UPF1: variants seen among roughly 807,000 people sequenced by gnomAD.
The protein encoded by UPF1 is UPF1 RNA helicase and ATPase, also known as regulator of nonsense transcripts 1.
A neutral mutation model predicts 129.2 loss-of-function variants in UPF1; 9 were observed. The observed-to-expected ratio is 0.07, with a 90% CI of 0.04 to 0.12. The LOEUF (loss-of-function observed/expected upper bound fraction) is 0.12, where lower values mean the gene tolerates loss of function less well. Ranked by LOEUF, UPF1 falls within the 10% of genes least tolerant of loss-of-function variation. The pLI is 1.00. For synonymous variants in UPF1, 649 were observed against 644.9 expected (o/e 1.01, Z -0.10); for missense variants, 788 against 1,525.3 (o/e 0.52, Z 8.05).
intron 13 of UPF1, 148 bp from the exon 14 acceptor site, chr19:18,856,729 T>C (rs2055722523): frequency 8.4e-7 from 1 of 1,189,086 alleles, no homozygotes; most frequent in East Asian, 2.6e-5. Context: ...GCCTGGACCA[T>C]GTATCTTGTC....
intron 1 of UPF1, among the ~76,000 whole-genome samples, chr19:18,834,528 T>A (rs2055463196): frequency 6.6e-6 from 1 of 152,148 alleles, no homozygotes; most frequent in African/African-American, 2.4e-5. Flanking sequence ...AGGTAAACAT[T>A]GCAGTTGAGC....
rs2055770336 is a variant in UPF1 at position 18,860,810 on chromosome 19, A to G, written c.2301-16A>G. 6.2e-7 allele frequency: 1 copy of G among 1,611,950 alleles called. No individual in the cohort carries two copies. The highest frequency in any genetic ancestry group is 1.3e-5 in the African/African-American group (1 of 75,042). On this transcript the variant is annotated splice_polypyrimidine_tract_variant and intron_variant, in intron 16 of 23. Coordinates refer to ENST00000262803, the MANE Select transcript of UPF1 (RefSeq NM_002911.4). ...CCCACAGGTGGAGCCCAGCACTGAC[A>G]GCCTGGGTTTCTTAGGACCGAGGCT...
intron 1 of UPF1, among the ~76,000 whole-genome samples, chr19:18,834,808 G>C (rs947859965): frequency 5.3e-5 from 8 of 152,206 alleles, no homozygotes; most frequent in African/African-American, 1.9e-4. Flanking sequence ...GTCCTCAGGA[G>C]TTGGCCGTGT....
At chr19:18,852,574 C>T (rs1263711382) in intron 6 of UPF1, among the ~76,000 whole-genome samples, 3 of 152,194 alleles carry the variant, frequency 2.0e-5, no homozygotes, top group Non-Finnish European at 4.4e-5. Flanking sequence ...GAGTTAGACT[C>T]GGGCGTGATC....
chr19:18,834,007 CGAAG>C (rs1202788213), intron 1 of UPF1, among the ~76,000 whole-genome samples: 1 of 151,918 alleles, frequency 6.6e-6, no homozygotes, highest in Non-Finnish European at 1.5e-5. Flanking sequence ...TTACATTTTG[CGAAG>C]GGAGGGAGGG....
In UPF1 at chr19:18,832,175, G is replaced by GCGGAACCGGCCCGAGGGCCCTACC; in HGVS notation, c.-30_-7dup. 2 of 1,505,932 alleles carry GCGGAACCGGCCCGAGGGCCCTACC rather than the reference G, an allele frequency of 1.3e-6. No individual in the cohort carries two copies. The highest frequency in any genetic ancestry group is 2.9e-5 in the African/African-American group (2 of 68,912). The allele number at this position is 1,505,932 out of a possible 1,614,324, so 93.3% of individuals were successfully genotyped here. A position where few individuals can be genotyped will look rare whatever the true frequency, so the allele number is the denominator to read the frequency against. ...GCGCGGCGGCGGGCTCGAGTGCAGCGCGGAACCGGCCCGAGGGCCCTACCC... is the reference window on the plus strand; with the variant it reads ...GCGCGGCGGCGGGCTCGAGTGCAGCGCGGAACCGGCCCGAGGGCCCTACCCGGAACCGGCCCGAGGGCCCTACCC... On this transcript the variant is annotated 5_prime_UTR_variant, in exon 1 of 24. Transcript: ENST00000262803. This position sits in a 1 kb window ranked among gnomAD's most constrained non-coding sequence, Gnocchi z 5.6.
chr19:18,853,258 G>A lies in UPF1; in HGVS notation c.1064G>A (p.Arg355Gln). The A allele has an allele frequency of 6.2e-7, 1 of 1,611,440 alleles. No homozygotes were observed. Among genetic ancestry groups the A allele is most frequent in the Non-Finnish European group, 8.5e-7 (1 of 1,178,466 alleles). The change falls in exon 8 of 24, where the codon CGG (arginine) becomes CAG (glutamine). Residue 355 changes from arginine (R) to glutamine (Q), a missense_variant. This residue lies in a region of UPF1 where 227 missense variants were observed against 517.9 expected (regional missense o/e 0.44). Transcript: ENST00000262803. The surrounding 1 kb of genome is among the most constrained non-coding windows in gnomAD (Gnocchi z 4.4). ...CTCACTTTTTTACCTCAAGACATGC[G>A]GCTCATGCAGGGGGATGAGATATGC... is the stretch of plus-strand genomic sequence containing the variant. ...FTLPKTDSDM[R>Q]LMQGDEICLR...
chr19:18,832,497 G>T lies in UPF1; in HGVS notation c.231+57G>T, dbSNP rs1016644890. 1.0e-6 allele frequency: 1 copy of T among 992,024 alleles called. No individual in the cohort carries two copies. The highest frequency in any genetic ancestry group is 1.7e-5 in the African/African-American group (1 of 57,428). The allele number at this position is 992,024 out of a possible 1,614,324, so 61.5% of individuals were successfully genotyped here. ...GGCCCGGCCTCGGCGCCTGAGACCTGCCCCGAACTCGCCTCGGGCCCGGCC... is the reference window on the plus strand; with the variant it reads ...GGCCCGGCCTCGGCGCCTGAGACCTTCCCCGAACTCGCCTCGGGCCCGGCC... On this transcript the variant is annotated intron_variant, in intron 1 of 23. Transcript: ENST00000262803. The surrounding 1 kb of genome is among the most constrained non-coding windows in gnomAD (Gnocchi z 5.6).
In UPF1 at chr19:18,846,006, C is replaced by T. The variant is rs149711534; in HGVS notation, c.258C>T (p.Asn86=). 6.3e-5 allele frequency: 101 copies of T among 1,614,102 alleles called. No individual in the cohort carries two copies. The African/African-American group carries it at 9.7e-4, about 16-fold the overall frequency. ...TTGGGCCCGAAGGCATCCTGCAGAA[C>T]GGGGCTGTGGACGACAGTGTAGCCA... ...AQVGPEGILQ[N]GAVDDSVAKT... is the part of the protein sequence containing the mutation. The change falls in exon 2 of 24, where the codon AAC becomes AAT. Residue 86 remains asparagine, a synonymous_variant. Coordinates refer to ENST00000262803, the MANE Select transcript of UPF1 (RefSeq NM_002911.4).
At chr19:18,866,299 CCT>C in intron 23 of UPF1, 133 bp downstream of exon 23, 1 of 1,337,126 alleles carries the variant, frequency 7.5e-7, no homozygotes, top group East Asian at 2.7e-5. Flanking sequence ...GGTCATAGGC[CCT>C]CAGGGCCAGC....
At chr19:18,861,088 G>T in intron 17 of UPF1, 106 bp downstream of exon 17, 1 of 1,424,532 alleles carries the variant, frequency 7.0e-7, no homozygotes, top group Non-Finnish European at 9.3e-7. Flanking sequence ...CTGGAGCTCA[G>T]AATGGCCCAG....
chr19:18,866,784 G>A lies in UPF1; in HGVS notation c.*267G>A, dbSNP rs949674345. 33 of 152,688 alleles carry A rather than the reference G, an allele frequency of 2.2e-4. No individual in the cohort carries two copies. The highest frequency in any genetic ancestry group is 7.7e-4 in the African/African-American group (32 of 41,590). 9.5% of individuals were successfully genotyped at this position (152,688 alleles called of 1,614,324 possible). A position where few individuals can be genotyped will look rare whatever the true frequency, so the allele number is the denominator to read the frequency against. On this transcript the variant is annotated 3_prime_UTR_variant, in exon 24 of 24. Coordinates refer to ENST00000262803, the MANE Select transcript of UPF1 (RefSeq NM_002911.4). The stretch of plus-strand genomic sequence containing the variant: ...CCAGGAGGCCCCGCTCCGTCCCATC[G>A]GGGCTGCGGCCAGGGCGGAGGGAGG...
rs777862167 is a variant in UPF1 at position 18,863,626 on chromosome 19, C to A, written c.2775+14C>A. The A allele has an allele frequency of 6.2e-7, 1 of 1,606,776 alleles. No individual in the cohort carries two copies. Among genetic ancestry groups the A allele is most frequent in the Non-Finnish European group, 8.5e-7 (1 of 1,175,254 alleles). ...ACTATCAACCCGGTGAGCGCCTGCA[C>A]AGGACAGCAGGGCAGCACGGAGAAA... On this transcript the variant is annotated intron_variant, in intron 19 of 23. Transcript: ENST00000262803.
chr19:18,841,586 C>G (rs1376253358), intron 1 of UPF1, among the ~76,000 whole-genome samples: 1 of 152,196 alleles, frequency 6.6e-6, no homozygotes, highest in Non-Finnish European at 1.5e-5. Context: ...TGCTTTTCAT[C>G]TCGCCAAGCT....
rs1438308340 is a variant in UPF1 at position 18,842,046 on chromosome 19, A to G, written c.232-3934A>G. 2.6e-5 allele frequency among the ~76,000 whole-genome samples: 4 copies of G among 152,292 alleles called. No individual in the cohort carries two copies. In the South Asian group the frequency reaches 8.3e-4, roughly 32 times the overall value. On this transcript the variant is annotated intron_variant, in intron 1 of 23. Transcript: ENST00000262803. ...CAGGAGTTTGAGGATGCAGTGAGCTATGATTCTACCACTGCACTCCAGCCT... is the reference window on the plus strand; with the variant it reads ...CAGGAGTTTGAGGATGCAGTGAGCTGTGATTCTACCACTGCACTCCAGCCT...
In UPF1 at chr19:18,862,021, C is replaced by A; in HGVS notation, c.2469C>A (p.Ile823=). The change falls in exon 18 of 24, where the codon ATC becomes ATA. Residue 823 remains isoleucine, a synonymous_variant. Coordinates refer to ENST00000262803, the MANE Select transcript of UPF1 (RefSeq NM_002911.4). ...AAGCTCCCTTCCAGGAGGTGGAGATCGCCAGTGTGGACGCCTTTCAGGGAC... is the reference window on the plus strand; with the variant it reads ...AAGCTCCCTTCCAGGAGGTGGAGATAGCCAGTGTGGACGCCTTTCAGGGAC... ...LHTKLYQEVE[I]ASVDAFQGRE... is the part of the protein sequence containing the mutation. 6.2e-7 allele frequency: 1 copy of A among 1,613,924 alleles called. No homozygotes were observed. Among genetic ancestry groups the A allele is most frequent in the East Asian group, 2.2e-5 (1 of 44,878 alleles).
rs2055874824 is a variant in UPF1 at position 18,867,895 on chromosome 19, CG to C, written c.*1382del. 2 of 152,520 alleles carry C rather than the reference CG, an allele frequency of 1.3e-5. No individual in the cohort carries two copies. The highest frequency in any genetic ancestry group is 1.3e-4 in the Admixed American group (2 of 15,306). The allele number at this position is 152,520 out of a possible 1,614,324, so 9.4% of individuals were successfully genotyped here. A position where few individuals can be genotyped will look rare whatever the true frequency, so the allele number is the denominator to read the frequency against. ...GATTCCGGCTTCTACATGGGACAGA[CG>C]GGGACGCACAGGCCACCTTCCTTCT... On this transcript the variant is annotated 3_prime_UTR_variant, in exon 24 of 24. Coordinates refer to ENST00000262803, the MANE Select transcript of UPF1 (RefSeq NM_002911.4).
chr19:18,863,417 A>G, intron 18 of UPF1, 21 bp from the exon 19 acceptor site: 1 of 1,607,500 alleles, frequency 6.2e-7, no homozygotes, highest in South Asian at 1.1e-5. Flanking sequence ...CTGCGTCCTC[A>G]GCACTGCGCC....
rs560141898 is a variant in UPF1 at position 18,847,012 on chromosome 19, C to T, written c.372-732C>T. On this transcript the variant is annotated intron_variant, in intron 2 of 23. Transcript: ENST00000262803. The stretch of plus-strand genomic sequence containing the variant: ...GTTTGGGCCTGAGCCCTGCCTCTGT[C>T]TGTGGGCACCCACTTGGGGCCCTCC... 3.9e-5 allele frequency among the ~76,000 whole-genome samples: 6 copies of T among 152,348 alleles called. No individual in the cohort carries two copies. In the South Asian group the frequency reaches 1.2e-3, roughly 32 times the overall value.
Sources: gnomAD v4.1 joint callset for allele counts (sites outside exome capture counted in the v4.1 genomes callset) on GRCh38, gnomAD v4.1.1 for gene constraint, gnomAD v4.1.1 regional missense constraint, Gnocchi (gnomAD v3.1) non-coding constraint, MANE v1.5 for transcripts, NCBI Gene and HGNC (gene_info 2026-07-23, HGNC 2026-07-21) for gene names.